HTR4: variants seen among roughly 807,000 people sequenced by gnomAD.
HTR4 encodes the protein 5-hydroxytryptamine receptor 4, also known as 5-hydroxytryptamine (serotonin) receptor 4, G protein-coupled.
Under a neutral mutation model 36.8 loss-of-function variants are expected in HTR4, and 16 were observed. The ratio of observed to expected loss-of-function variants is 0.43; its 90% confidence interval spans 0.29 to 0.66. The LOEUF is 0.66. HTR4 is among the 30% of genes least tolerant of loss of function. HTR4 has a pLI of 0.13. For synonymous variants in HTR4, 189 were observed against 185.1 expected (o/e 1.02, Z -0.17); for missense variants, 438 against 490.9 (o/e 0.89, Z 1.02).
intron 5 of HTR4, among the ~76,000 whole-genome samples, chr5:148,520,529 G>A (rs1757961133): frequency 6.6e-6 from 1 of 152,136 alleles, no homozygotes; most frequent in African/African-American, 2.4e-5. Flanking sequence ...GGAATCCAAA[G>A]CCCGGGCTCA....
chr5:148,514,700 T>C (rs1757654042), intron 5 of HTR4, among the ~76,000 whole-genome samples: 1 of 152,178 alleles, frequency 6.6e-6, no homozygotes, highest in South Asian at 2.1e-4. Flanking sequence ...CCTGTACATA[T>C]TCAGTATCTT....
Position 148,453,720 on chromosome 5 carries a change from C to A in HTR4, c.1077-2448G>T, listed in dbSNP as rs867744633. Among the ~76,000 whole-genome samples the A allele has an allele frequency of 2.0e-5, 3 of 152,304 alleles. No individual in the cohort carries two copies. The South Asian group carries it at 6.2e-4, about 32-fold the overall frequency. On this transcript the variant is annotated intron_variant, in intron 5 of 5. Coordinates refer to the HTR4 transcript ENST00000521530. ...TGGGCTTGAAAATCCCTATAAGGCT[C>A]TGGCTTTTACTACATGTGAGGGGTC...
At chr5:148,586,569 C>A (rs972485397) in intron 2 of HTR4, among the ~76,000 whole-genome samples, 1 of 152,078 alleles carries the variant, frequency 6.6e-6, no homozygotes, top group Admixed American at 6.5e-5. Flanking sequence ...ATCACAAGAA[C>A]AGCATAGGGG....
chr5:148,599,976 AAATT>A (rs1761925004), intron 2 of HTR4, among the ~76,000 whole-genome samples: 1 of 151,858 alleles, frequency 6.6e-6, no homozygotes, highest in South Asian at 2.1e-4. Context: ...AATAAAAGAC[AAATT>A]GGAATGTACT....
intron 4 of HTR4, among the ~76,000 whole-genome samples, chr5:148,526,909 C>T (rs1758304452): frequency 6.6e-6 from 1 of 151,774 alleles, no homozygotes; most frequent in South Asian, 2.1e-4. Context: ...GAGGGGTCAG[C>T]GAATGCATAC....
intron 4 of HTR4, among the ~76,000 whole-genome samples, chr5:148,540,014 T>A (rs1759024991): frequency 6.6e-6 from 1 of 152,194 alleles, no homozygotes; most frequent in Non-Finnish European, 1.5e-5. Flanking sequence ...ATGTGGTACA[T>A]ATACACTATG....
intron 5 of HTR4, among the ~76,000 whole-genome samples, chr5:148,457,596 G>T (rs1183453463): frequency 1.3e-5 from 2 of 148,960 alleles, no homozygotes; most frequent in Non-Finnish European, 3.0e-5. Context: ...GAGGAGGGAG[G>T]TTTGCTAGAT....
chr5:148,591,202 AT>A (rs1449527537), intron 2 of HTR4, among the ~76,000 whole-genome samples: 3 of 152,094 alleles, frequency 2.0e-5, no homozygotes, highest in Non-Finnish European at 2.9e-5. Flanking sequence ...ATGTTTTTGT[AT>A]CAGTACTATT....
intron 5 of HTR4, among the ~76,000 whole-genome samples, chr5:148,456,690 T>C (rs1755109758): frequency 6.6e-6 from 1 of 152,216 alleles, no homozygotes; most frequent in Non-Finnish European, 1.5e-5. Context: ...GTGAGTTTCC[T>C]AGGCTCAAAG....
chr5:148,543,568 T>A (rs1409478485), intron 4 of HTR4, among the ~76,000 whole-genome samples: 1 of 152,194 alleles, frequency 6.6e-6, no homozygotes, highest in African/African-American at 2.4e-5. Context: ...TTATTACATA[T>A]GAAATCACTG....
intron 2 of HTR4, among the ~76,000 whole-genome samples, chr5:148,613,667 G>T (rs1300483906): frequency 1.3e-5 from 2 of 150,094 alleles, no homozygotes; most frequent in African/African-American, 4.9e-5. Flanking sequence ...CATAGTGTTG[G>T]AAGTTCTGGC....
At chr5:148,602,237 T>A (rs906025327) in intron 2 of HTR4, among the ~76,000 whole-genome samples, 5 of 152,176 alleles carry the variant, frequency 3.3e-5, no homozygotes, top group African/African-American at 1.2e-4. Context: ...CACGGGTGTA[T>A]ACTTACTCCC....
chr5:148,500,331 A>G (rs1481911002), intron 6 of HTR4, among the ~76,000 whole-genome samples: 1 of 152,078 alleles, frequency 6.6e-6, no homozygotes, highest in Admixed American at 6.6e-5. Flanking sequence ...TGAGAAGAGT[A>G]TCAAGAGCCA....
intron 2 of HTR4, among the ~76,000 whole-genome samples, chr5:148,554,832 T>C (rs1391557786): frequency 6.6e-6 from 1 of 152,118 alleles, no homozygotes; most frequent in Admixed American, 6.6e-5. Context: ...CCAGTGTCTG[T>C]TGTTCCCTTC....
intron 2 of HTR4, among the ~76,000 whole-genome samples, chr5:148,613,455 G>A (rs1309446683): frequency 3.8e-4 from 58 of 152,182 alleles, no homozygotes; most frequent in Non-Finnish European, 7.5e-4. Context: ...ATAGATGCAG[G>A]AAAGGCCTTT....
intron 5 of HTR4, among the ~76,000 whole-genome samples, chr5:148,513,373 C>G (rs1462219874): frequency 6.6e-6 from 1 of 152,072 alleles, no homozygotes; most frequent in Non-Finnish European, 1.5e-5. Flanking sequence ...TTGAATTGAC[C>G]CCTGCAGCAT....
chr5:148,615,856 GC>G (rs1752661443), intron 2 of HTR4, among the ~76,000 whole-genome samples: 1 of 152,172 alleles, frequency 6.6e-6, no homozygotes, highest in Admixed American at 6.5e-5. Flanking sequence ...TCCAGCGGGA[GC>G]CAAAATACTT....
At chr5:148,579,606 A>AT (rs1761058552) in intron 2 of HTR4, among the ~76,000 whole-genome samples, 1 of 152,026 alleles carries the variant, frequency 6.6e-6, no homozygotes, top group South Asian at 2.1e-4. Context: ...TAAAATTAAG[A>AT]TGTAGGTAGG....
At chr5:148,511,473 G>A (rs1389666057) in intron 5 of HTR4, among the ~76,000 whole-genome samples, 3 of 151,862 alleles carry the variant, frequency 2.0e-5, no homozygotes, top group Non-Finnish European at 4.4e-5. Context: ...TGCATGTACA[G>A]GCAGTTTATT....
Sources: allele counts gnomAD v4.1 joint callset (sites outside exome capture counted in the v4.1 genomes callset), GRCh38; gene constraint gnomAD v4.1.1; transcripts MANE v1.5; gene names NCBI Gene and HGNC (gene_info 2026-07-23, HGNC 2026-07-21).